UNC13C: variants seen among roughly 807,000 people sequenced by gnomAD.
The protein encoded by UNC13C is unc-13 homolog C.
A neutral mutation model predicts 245.4 loss-of-function variants in UNC13C; 174 were observed. The observed-to-expected ratio is 0.71, with a 90% CI of 0.63 to 0.80. The LOEUF (loss-of-function observed/expected upper bound fraction) is 0.80, where lower values mean the gene tolerates loss of function less well. UNC13C is among the 30% of genes least tolerant of loss of function. The pLI is 0.00. For synonymous variants in UNC13C, 992 were observed against 895.1 expected (o/e 1.11, Z -1.93); for missense variants, 2,829 against 2,602.9 (o/e 1.09, Z -1.89).
intron 19 of UNC13C, among the ~76,000 whole-genome samples, chr15:54,475,074 AT>A (rs1182492332): frequency 1.3e-5 from 2 of 151,986 alleles, no homozygotes; most frequent in African/African-American, 4.8e-5. Flanking sequence ...TCAACACAAG[AT>A]TTGGAGAGGA....
intron 2 of UNC13C, among the ~76,000 whole-genome samples, chr15:54,028,034 G>T (rs936083349): frequency 5.9e-5 from 9 of 152,112 alleles, no homozygotes; most frequent in African/African-American, 2.2e-4. Context: ...AGTAGACATT[G>T]TACATTAACA....
intron 2 of UNC13C, among the ~76,000 whole-genome samples, chr15:54,136,983 T>C (rs543487981): frequency 9.9e-5 from 15 of 152,108 alleles, no homozygotes; most frequent in Non-Finnish European, 2.1e-4. Context: ...AGTAGAGGTG[T>C]ACACCACCAT....
At chr15:54,330,270 C>T (rs1184444729) in intron 14 of UNC13C, among the ~76,000 whole-genome samples, 7 of 152,032 alleles carry the variant, frequency 4.6e-5, no homozygotes, top group Non-Finnish European at 8.8e-5. Flanking sequence ...AACAATAAGT[C>T]ATTGGTAGTA....
chr15:54,190,961 G>A (rs1202805942), intron 4 of UNC13C, among the ~76,000 whole-genome samples: 1 of 151,974 alleles, frequency 6.6e-6, no homozygotes, highest in African/African-American at 2.4e-5. Context: ...GAGACATTAT[G>A]TATGCACTTT....
intron 1 of UNC13C, among the ~76,000 whole-genome samples, chr15:53,983,336 CAA>C (rs1894001553): frequency 6.6e-6 from 1 of 152,000 alleles, no homozygotes; most frequent in East Asian, 1.9e-4. Flanking sequence ...ATATGTTAGA[CAA>C]AAGAGGGCTG....
In UNC13C at chr15:54,525,598, G is replaced by A. The variant is rs1248498409; in HGVS notation, c.5507G>A (p.Ser1836Asn). 1 of 1,613,136 alleles carries A rather than the reference G, an allele frequency of 6.2e-7. No homozygotes were observed. The highest frequency in any genetic ancestry group is 2.2e-5 in the East Asian group (1 of 44,826). ...CTAAAAGAACTTCAGGTTAAGCTCA[G>A]TGGGGTCCTGGATGAGCTCAGCGTC... The part of the protein sequence containing the change: ...TILKELQVKL[S>N]GVLDELSVTY... Residue 1836 changes from serine to asparagine, a missense_variant, in exon 25 of 33, where the codon AGT (serine) becomes AAT (asparagine). Physicochemically the swap from Ser to Asn is conservative, Grantham distance 46 (BLOSUM62 1). Transcript: ENST00000260323.
chr15:53,961,988 T>C, the UNC13C span, among the ~76,000 whole-genome samples: 1 of 152,262 alleles, frequency 6.6e-6, no homozygotes, highest in Non-Finnish European at 1.5e-5. Flanking sequence ...TCTGATTTTA[T>C]TATCAAATTT....
chr15:54,471,567 C>T (rs932130346), intron 19 of UNC13C, among the ~76,000 whole-genome samples: 1 of 151,554 alleles, frequency 6.6e-6, no homozygotes, highest in African/African-American at 2.4e-5. Flanking sequence ...CCTTCACTTT[C>T]AGTCTATGAC....
At chr15:54,452,077 A>ACTGTGTGAC (rs1195123177) in intron 19 of UNC13C, among the ~76,000 whole-genome samples, 3 of 152,154 alleles carry the variant, frequency 2.0e-5, no homozygotes, top group African/African-American at 7.2e-5. Flanking sequence ...TTAGGGTGTG[A>ACTGTGTGAC]TTCTTAGTGG....
At chr15:54,436,026 A>G (rs1233880974) in intron 19 of UNC13C, among the ~76,000 whole-genome samples, 2 of 152,068 alleles carry the variant, frequency 1.3e-5, no homozygotes, top group African/African-American at 4.8e-5. Flanking sequence ...AATAAAAACC[A>G]CAATGAGATT....
At chr15:54,178,754 T>G (rs1230191403) in intron 4 of UNC13C, among the ~76,000 whole-genome samples, 1 of 152,164 alleles carries the variant, frequency 6.6e-6, no homozygotes, top group East Asian at 1.9e-4. Flanking sequence ...GAATTCTGTT[T>G]GCCCCCTCAC....
At chr15:54,451,298 C>G (rs982266071) in intron 19 of UNC13C, among the ~76,000 whole-genome samples, 4 of 151,890 alleles carry the variant, frequency 2.6e-5, no homozygotes, top group Non-Finnish European at 4.4e-5. Flanking sequence ...TTGGTGGATA[C>G]TTTTTTCAGC....
intron 4 of UNC13C, among the ~76,000 whole-genome samples, chr15:54,208,472 G>A (rs570335359): frequency 9.2e-5 from 14 of 152,066 alleles, no homozygotes; most frequent in African/African-American, 1.2e-4. Flanking sequence ...ATTCATTCCC[G>A]TAGGATTTAT....
the UNC13C span, among the ~76,000 whole-genome samples, chr15:53,908,752 C>CAAAA: frequency 0.33 from 28,845 of 87,820 alleles, 6,412 homozygotes; most frequent in Non-Finnish European, 0.39. Context: ...AACCTTTCTC[C>CAAAA]AAAAAAAAAA....
chr15:54,321,830 C>T, intron 13 of UNC13C, 109 bp from the exon 14 acceptor site: 1 of 1,136,042 alleles, frequency 8.8e-7, no homozygotes, highest in Non-Finnish European at 1.2e-6. Flanking sequence ...AGTTTTCTCT[C>T]CTTTTCATAG....
chr15:54,464,613 T>G (rs1378539856), intron 19 of UNC13C, among the ~76,000 whole-genome samples: 1 of 152,142 alleles, frequency 6.6e-6, no homozygotes, highest in Non-Finnish European at 1.5e-5. Flanking sequence ...GGACTCATCT[T>G]AAGTTTAAAA....
At chr15:54,184,082 C>T (rs770050130) in intron 4 of UNC13C, among the ~76,000 whole-genome samples, 4 of 151,976 alleles carry the variant, frequency 2.6e-5, no homozygotes, top group Non-Finnish European at 4.4e-5. Flanking sequence ...CTGTACATTC[C>T]CTTCACATGA....
intron 19 of UNC13C, among the ~76,000 whole-genome samples, chr15:54,439,317 T>C (rs1046057014): frequency 6.6e-6 from 1 of 151,990 alleles, no homozygotes; most frequent in Non-Finnish European, 1.5e-5. Context: ...AAAAGATCAG[T>C]AAGAACCCAG....
the UNC13C span, among the ~76,000 whole-genome samples, chr15:53,865,281 C>G: frequency 1.3e-5 from 2 of 152,128 alleles, no homozygotes; most frequent in Non-Finnish European, 2.9e-5. Flanking sequence ...TTAGTCCACT[C>G]GGGCTGACAG....
Sources: gnomAD v4.1 joint callset for allele counts (sites outside exome capture counted in the v4.1 genomes callset) on GRCh38, gnomAD v4.1.1 for gene constraint, MANE v1.5 for transcripts, NCBI Gene and HGNC (gene_info 2026-07-23, HGNC 2026-07-21) for gene names.